The following CERK variants were observed in gnomAD, a reference collection of about 807,000 sequenced individuals.
The protein encoded by CERK is acylsphingosine kinase.
In CERK, 39 loss-of-function variants were observed where a neutral mutation model predicts 63.4. The ratio of observed to expected loss-of-function variants is 0.61; its 90% CI spans 0.48 to 0.80. CERK has a LOEUF of 0.80. Ranked by LOEUF, CERK falls within the 30% of genes least tolerant of loss-of-function variation. The pLI, the probability that CERK is intolerant of heterozygous loss-of-function variation, is 0.00. For missense variants in CERK, 670 were observed against 714.1 expected (o/e 0.94, Z 0.70); for synonymous variants, 302 against 280.0 (o/e 1.08, Z -0.78).
At chr22:46,705,456 G>T (rs1439245046) in intron 6 of CERK, among the ~76,000 whole-genome samples, 7 of 152,306 alleles carry the variant, frequency 4.6e-5, no homozygotes, top group African/African-American at 1.7e-4. Flanking sequence ...TAGATCACTT[G>T]AGGTCAAGAG....
Position 46,711,150 on chromosome 22 carries a change from CTG to C in CERK, c.506-3_506-2del, listed in dbSNP as rs753065579. On this transcript the variant is annotated splice_acceptor_variant and splice_polypyrimidine_tract_variant and intron_variant, in intron 4 of 12. Coordinates refer to ENST00000216264, the MANE Select transcript of CERK (RefSeq NM_022766.6). LOFTEE classifies it high-confidence loss of function. Reference sequence around the variant, plus strand: ...TTGGCCTGATTAGCATGTTCAGTAACTGTGGGGAAAAATTACATCACACAGTT... The same window carrying C: ...TTGGCCTGATTAGCATGTTCAGTAACTGGGGAAAAATTACATCACACAGTT... 2 of 1,612,176 alleles carry C rather than the reference CTG, an allele frequency of 1.2e-6. No homozygotes were observed. Among genetic ancestry groups the C allele is most frequent in the Non-Finnish European group, 1.7e-6 (2 of 1,178,258 alleles).
In CERK at chr22:46,736,765, G is replaced by C. The variant is rs548020164; in HGVS notation, c.142+1242C>G. Among the ~76,000 whole-genome samples, 235 of 152,190 alleles carry C rather than the reference G, an allele frequency of 1.5e-3. 1 individual carries two copies. Among genetic ancestry groups the C allele is most frequent in the Non-Finnish European group, 2.0e-3 (134 of 67,994 alleles). On this transcript the variant is annotated intron_variant, in intron 1 of 12. Coordinates refer to ENST00000216264, the MANE Select transcript of CERK (RefSeq NM_022766.6). ...GGGTCTGAGACCACCCCTCGACCTT[G>C]GCCCCACCTAACGTTCAACTCTGTC... is the stretch of plus-strand genomic sequence containing the variant.
At chr22:46,711,338 A>G (rs2082840111) in intron 4 of CERK, among the ~76,000 whole-genome samples, 189 bp from the exon 5 acceptor site, 1 of 152,206 alleles carries the variant, frequency 6.6e-6, no homozygotes, top group South Asian at 2.1e-4. Context: ...GAACGTGAAC[A>G]TGAACCTCTC....
At chr22:46,695,601 G>A (rs2082752256) in intron 8 of CERK, among the ~76,000 whole-genome samples, 1 of 152,230 alleles carries the variant, frequency 6.6e-6, no homozygotes, top group Non-Finnish European at 1.5e-5. Flanking sequence ...GGCAAAGTGG[G>A]GCCTTTGCCA....
rs1294614239 is a variant in CERK at position 46,699,247 on chromosome 22, G to C, written c.943+66C>G. Reference sequence around the variant, plus strand: ...TGACGGTGCTCAGTGGATTCAGTCAGGTAACATCTGTGAAGGCAGTCGGGG... The same window carrying C: ...TGACGGTGCTCAGTGGATTCAGTCACGTAACATCTGTGAAGGCAGTCGGGG... On this transcript the variant is annotated intron_variant, in intron 8 of 12. Coordinates refer to ENST00000216264, the MANE Select transcript of CERK (RefSeq NM_022766.6). The C allele has an allele frequency of 1.7e-5, 26 of 1,527,802 alleles. No homozygotes were observed. In the East Asian group the frequency reaches 5.6e-4, roughly 33 times the overall value. 94.6% of individuals were successfully genotyped at this position (1,527,802 alleles called of 1,614,324 possible).
rs556638771 is a variant in CERK, at chr22:46,691,797, G to A, written c.1127-20C>T. 1.9e-5 allele frequency: 30 copies of A among 1,595,524 alleles called. No homozygotes were observed. The highest frequency in any genetic ancestry group is 7.8e-5 in the South Asian group (7 of 90,088). On this transcript the variant is annotated intron_variant, in intron 10 of 12. Transcript: ENST00000216264. ...CGTCCTCTGAAGCACAAAGAACCAC[G>A]GAGATGTCACAGTTACAATGGCGCC...
At chr22:46,721,298 T>TATAC (rs2082891136) in intron 1 of CERK, among the ~76,000 whole-genome samples, 1 of 151,622 alleles carries the variant, frequency 6.6e-6, no homozygotes, top group African/African-American at 2.4e-5. Context: ...TACATATATA[T>TATAC]ATATATTTTT....
intron 3 of CERK, 114 bp from the exon 4 acceptor site, chr22:46,712,407 G>C: frequency 1.2e-6 from 1 of 850,244 alleles, no homozygotes. Flanking sequence ...AGTATTACCT[G>C]ATGGAAAGTA....
In CERK at chr22:46,722,789, CA is replaced by C. The variant is rs1357919971; in HGVS notation, c.143-1775del. 7.9e-5 allele frequency among the ~76,000 whole-genome samples: 12 copies of C among 152,272 alleles called. No homozygotes were observed. In the South Asian group the frequency reaches 2.3e-3, roughly 29 times the overall value. Reference sequence around the variant, plus strand: ...AGCCAGGCTGCAGGCCGTGCCGTGCCAGGGGTGCCAGCACAAGACCAGGCAG... The same window carrying C: ...AGCCAGGCTGCAGGCCGTGCCGTGCCGGGGTGCCAGCACAAGACCAGGCAG... On this transcript the variant is annotated intron_variant, in intron 1 of 12. Coordinates refer to ENST00000216264, the MANE Select transcript of CERK (RefSeq NM_022766.6).
At chr22:46,697,720 G>C (rs1017945401) in intron 8 of CERK, among the ~76,000 whole-genome samples, 3 of 152,230 alleles carry the variant, frequency 2.0e-5, no homozygotes, top group African/African-American at 4.8e-5. Context: ...GGCGAGGCTG[G>C]TCTTGAACTC....
intron 1 of CERK, among the ~76,000 whole-genome samples, chr22:46,726,956 C>T (rs896094280): frequency 4.6e-5 from 7 of 152,278 alleles, no homozygotes; most frequent in African/African-American, 1.4e-4. Flanking sequence ...TACAGGGATG[C>T]GCCCAAGTTT....
intron 6 of CERK, among the ~76,000 whole-genome samples, chr22:46,705,366 T>G (rs1344628734): frequency 6.6e-6 from 1 of 152,206 alleles, no homozygotes; most frequent in African/African-American, 2.4e-5. Context: ...ATTGGTTGTC[T>G]GGGTCATTCA....
At chr22:46,700,850 A>G (rs893888825) in intron 7 of CERK, among the ~76,000 whole-genome samples, 5 of 152,086 alleles carry the variant, frequency 3.3e-5, no homozygotes, top group African/African-American at 7.2e-5. Context: ...CATCCCTACT[A>G]AAAGTACAAA....
intron 9 of CERK, among the ~76,000 whole-genome samples, chr22:46,694,587 C>A (rs1186150547): frequency 6.6e-6 from 1 of 152,192 alleles, no homozygotes; most frequent in Non-Finnish European, 1.5e-5. Context: ...GCTCTGCCCC[C>A]CAACCCCTGG....
Position 46,737,188 on chromosome 22 carries a change from AGG to A in CERK, c.142+817_142+818del, listed in dbSNP as rs1220768744. Among the ~76,000 whole-genome samples, 66 of 151,148 alleles carry A rather than the reference AGG, an allele frequency of 4.4e-4. 1 individual carries two copies. Among genetic ancestry groups the A allele is most frequent in the Admixed American group, 4.4e-3 (66 of 15,158 alleles). On this transcript the variant is annotated intron_variant, in intron 1 of 12. Coordinates refer to ENST00000216264, the MANE Select transcript of CERK (RefSeq NM_022766.6). ...GGCTCCTGTAATCCCAGCTACTCCG[AGG>A]CTGAGGCAGGGAGAATTGCTTGAAC...
chr22:46,698,157 C>T (rs553565445), intron 8 of CERK, among the ~76,000 whole-genome samples: 13 of 152,348 alleles, frequency 8.5e-5, no homozygotes, highest in African/African-American at 2.2e-4. Context: ...AGGCAGGATG[C>T]GGGCAACCTC....
At chr22:46,710,942 C>G in intron 5 of CERK, 144 bp downstream of exon 5, 1 of 642,828 alleles carries the variant, frequency 1.6e-6, no homozygotes, top group East Asian at 2.8e-5. Flanking sequence ...TCTTGCCTTC[C>G]TGTAAGAAGC....
At chr22:46,690,824 CA>C (rs902023758) in intron 11 of CERK, among the ~76,000 whole-genome samples, 4 of 152,118 alleles carry the variant, frequency 2.6e-5, no homozygotes, top group African/African-American at 9.7e-5. Context: ...CTGCAAGGGC[CA>C]CTTACATCTT....
chr22:46,687,073 T>G lies in CERK; in HGVS notation c.*61A>C. Reference sequence around the variant, plus strand: ...AATGTATATATCAACATAATTGGTCTGTAATAATTATCTTAAATAGTTTTC... The same window carrying G: ...AATGTATATATCAACATAATTGGTCGGTAATAATTATCTTAAATAGTTTTC... On this transcript the variant is annotated 3_prime_UTR_variant, in exon 13 of 13. Coordinates refer to ENST00000216264, the MANE Select transcript of CERK (RefSeq NM_022766.6). 7.5e-7 allele frequency: 1 copy of G among 1,329,622 alleles called. No homozygotes were observed. The highest frequency in any genetic ancestry group is 1.1e-6 in the Non-Finnish European group (1 of 925,158). The allele number at this position is 1,329,622 out of a possible 1,614,324, so 82.4% of individuals were successfully genotyped here.
Sources: gnomAD v4.1 joint callset for allele counts (sites outside exome capture counted in the v4.1 genomes callset) on GRCh38, gnomAD v4.1.1 for gene constraint, MANE v1.5 for transcripts, NCBI Gene and HGNC (gene_info 2026-07-23, HGNC 2026-07-21) for gene names.